Variants in ZBBX observed in about 807,000 individuals in gnomAD.
ZBBX encodes zinc finger B-box domain containing.
Under a neutral mutation model 108.5 loss-of-function variants are expected in ZBBX, and 101 were observed. The ratio of observed to expected loss-of-function variants is 0.93; its 90% CI spans 0.79 to 1.10. ZBBX has a LOEUF of 1.10. Among genes scored for constraint, ZBBX ranks in the 50% least tolerant of loss-of-function variants. The probability of loss-of-function intolerance (pLI) is 0.00; values close to 1 mark genes in which losing one functional copy is unlikely to be tolerated. For synonymous variants in ZBBX, 356 were observed against 323.4 expected (o/e 1.10, Z -1.08); for missense variants, 1,009 against 941.4 (o/e 1.07, Z -0.94).
intron 8 of ZBBX, among the ~76,000 whole-genome samples, chr3:167,355,231 G>A (rs2108515752): frequency 6.6e-6 from 1 of 152,032 alleles, no homozygotes; most frequent in Admixed American, 6.6e-5. Context: ...TAAATGGATA[G>A]GTCATTTAAA....
chr3:167,274,110 G>A (rs1158894889), intron 20 of ZBBX, among the ~76,000 whole-genome samples: 1 of 152,172 alleles, frequency 6.6e-6, no homozygotes, highest in Non-Finnish European at 1.5e-5. Context: ...ACCCAATGTT[G>A]TACCTTTATC....
Position 167,260,405 on chromosome 3 carries a change from C to T in ZBBX, c.2255-17762G>A, listed in dbSNP as rs1019371480. On this transcript the variant is annotated intron_variant, in intron 20 of 21. Transcript: ENST00000675490. The stretch of plus-strand genomic sequence containing the variant: ...TCTAGGAAGGCCGGGAAGTTTTCCT[C>T]GATTATTCCCCAAACACATTTTTCA... 6.6e-5 allele frequency among the ~76,000 whole-genome samples: 10 copies of T among 152,268 alleles called. No individual in the cohort carries two copies. In the East Asian group the frequency reaches 1.5e-3, roughly 23 times the overall value.
chr3:167,387,222 C>T (rs915789840), intron 1 of ZBBX, among the ~76,000 whole-genome samples: 2 of 152,008 alleles, frequency 1.3e-5, no homozygotes, highest in African/African-American at 2.4e-5. Context: ...ATGCTTTAGG[C>T]ATTCTTACAG....
chr3:167,319,942 A>G (rs142219895), intron 12 of ZBBX, among the ~76,000 whole-genome samples: 1 of 151,980 alleles, frequency 6.6e-6, no homozygotes, highest in African/African-American at 2.4e-5. Context: ...AATGCATGTT[A>G]CTTTAATAGA....
chr3:167,239,602 A>G (rs574885227), downstream of ZBBX, among the ~76,000 whole-genome samples: 19 of 152,120 alleles, frequency 1.2e-4, no homozygotes, highest in Non-Finnish European at 2.4e-4. Flanking sequence ...AATACAGTAT[A>G]TAATACATAT....
intron 21 of ZBBX, 102 bp downstream of exon 21, chr3:167,242,403 A>C: frequency 1.0e-6 from 1 of 991,622 alleles, no homozygotes; most frequent in Non-Finnish European, 1.4e-6. Flanking sequence ...TAAAGTATAC[A>C]CATGAGGACA....
the ZBBX span, among the ~76,000 whole-genome samples, chr3:167,220,047 T>C: frequency 7.2e-5 from 11 of 151,948 alleles, no homozygotes; most frequent in East Asian, 2.1e-3. Context: ...GATTGAGCCA[T>C]GAAAAAATCC....
At chr3:167,190,073 T>C in the ZBBX span, among the ~76,000 whole-genome samples, 1 of 152,222 alleles carries the variant, frequency 6.6e-6, no homozygotes, top group Non-Finnish European at 1.5e-5. Flanking sequence ...TTTAGTTTTC[T>C]ATTTTCCTTT....
At chr3:167,323,242 G>T (rs562856003) in intron 11 of ZBBX, among the ~76,000 whole-genome samples, 2,593 of 149,030 alleles carry the variant, frequency 0.017, 81 homozygotes, top group Non-Finnish European at 0.026. Context: ...TAAAAGAGGG[G>T]GGGGGGGGAA....
intron 20 of ZBBX, among the ~76,000 whole-genome samples, chr3:167,246,585 T>C (rs1015168505): frequency 2.0e-5 from 3 of 152,232 alleles, no homozygotes; most frequent in African/African-American, 7.2e-5. Context: ...ACAAGATTGT[T>C]GTGGGAACTT....
the ZBBX span, among the ~76,000 whole-genome samples, chr3:167,231,704 G>A: frequency 7.3e-5 from 11 of 151,718 alleles, no homozygotes; most frequent in Admixed American, 6.6e-4. Context: ...TTTACTAAGA[G>A]GGACTTTTTG....
At chr3:167,326,120 A>G (rs1440303781) in intron 11 of ZBBX, among the ~76,000 whole-genome samples, 2 of 152,218 alleles carry the variant, frequency 1.3e-5, no homozygotes, top group African/African-American at 4.8e-5. Context: ...TCTTTTAAAT[A>G]CTGGGAATTA....
chr3:167,381,873 A>C (rs535723581), upstream of ZBBX, among the ~76,000 whole-genome samples: 6 of 152,198 alleles, frequency 3.9e-5, no homozygotes, highest in South Asian at 4.1e-4. Context: ...ACTAAAGCCA[A>C]ATAAAGAAAT....
chr3:167,183,166 C>T, the ZBBX span, among the ~76,000 whole-genome samples: 1 of 152,188 alleles, frequency 6.6e-6, no homozygotes, highest in Non-Finnish European at 1.5e-5. Context: ...GGCAAACAAA[C>T]CTGCTCTGTC....
Position 167,365,874 on chromosome 3 carries a change from G to C in ZBBX, c.273+12C>G, listed in dbSNP as rs776690772. 2.5e-6 allele frequency: 4 copies of C among 1,573,182 alleles called. No individual in the cohort carries two copies. Among genetic ancestry groups the C allele is most frequent in the Non-Finnish European group, 3.5e-6 (4 of 1,148,540 alleles). ...TAGCAAAATGCATAAGAATCAAATAGTATCTTCTTACCTTAACAACATTTC... is the reference window on the plus strand; with the variant it reads ...TAGCAAAATGCATAAGAATCAAATACTATCTTCTTACCTTAACAACATTTC... On this transcript the variant is annotated intron_variant, in intron 6 of 21. Transcript: ENST00000675490.
intron 6 of ZBBX, among the ~76,000 whole-genome samples, chr3:167,364,417 T>C (rs1201851881): frequency 2.0e-5 from 3 of 152,038 alleles, no homozygotes; most frequent in Admixed American, 1.3e-4. Context: ...CCTTATAACA[T>C]TGAACTACTT....
At chr3:167,385,252 C>T (rs1202345401), upstream of ZBBX, among the ~76,000 whole-genome samples, 7 of 151,964 alleles carry the variant, frequency 4.6e-5, no homozygotes, top group African/African-American at 1.4e-4. Flanking sequence ...TAGCATGCTA[C>T]TGTACTGAAT....
chr3:167,337,741 A>G (rs1289720767), intron 9 of ZBBX, among the ~76,000 whole-genome samples: 1 of 152,136 alleles, frequency 6.6e-6, no homozygotes, highest in Non-Finnish European at 1.5e-5. Context: ...AAAAGAAAAC[A>G]CACTGCCTTT....
At chr3:167,230,455 A>G in the ZBBX span, among the ~76,000 whole-genome samples, 3 of 151,866 alleles carry the variant, frequency 2.0e-5, no homozygotes, top group Admixed American at 1.3e-4. Flanking sequence ...TGTAAAAAGA[A>G]GATGCAAGAA....
Sources: gnomAD v4.1 joint callset for allele counts (sites outside exome capture counted in the v4.1 genomes callset) on GRCh38, gnomAD v4.1.1 for gene constraint, MANE v1.5 for transcripts, NCBI Gene and HGNC (gene_info 2026-07-23, HGNC 2026-07-21) for gene names.